PPP6R1: variants seen among roughly 807,000 people sequenced by gnomAD.
PPP6R1 encodes the protein protein phosphatase 6 regulatory subunit 1, also known as serine/threonine-protein phosphatase 6 regulatory subunit 1.
A neutral mutation model predicts 104.6 loss-of-function variants in PPP6R1; 39 were observed. The observed-to-expected ratio is 0.37, with a 90% CI of 0.29 to 0.49. The LOEUF (loss-of-function observed/expected upper bound fraction) is 0.49. Ranked by LOEUF, PPP6R1 falls within the 20% of genes least tolerant of loss-of-function variation. The pLI, the probability that PPP6R1 is intolerant of heterozygous loss-of-function variation, is 0.98. For synonymous variants in PPP6R1, 549 were observed against 479.0 expected (o/e 1.15, Z -1.91); for missense variants, 1,181 against 1,155.8 (o/e 1.02, Z -0.32).
chr19:55,253,060 T>C (rs1384165060), intron 1 of PPP6R1, among the ~76,000 whole-genome samples: 1 of 152,096 alleles, frequency 6.6e-6, no homozygotes, highest in East Asian at 1.9e-4. Context: ...AGGTTACCCC[T>C]TCCCCATCCC....
intron 1 of PPP6R1, among the ~76,000 whole-genome samples, chr19:55,248,817 A>G (rs189728708): frequency 1.8e-4 from 27 of 152,310 alleles, no homozygotes; most frequent in African/African-American, 6.5e-4. Flanking sequence ...AGAGTCCCAC[A>G]CATGGCCTCA....
In PPP6R1 at chr19:55,236,777, C is replaced by T; in HGVS notation, c.1854G>A (p.Gln618=). 6.2e-7 allele frequency: 1 copy of T among 1,613,934 alleles called. No homozygotes were observed. Among genetic ancestry groups the T allele is most frequent in the Non-Finnish European group, 8.5e-7 (1 of 1,179,832 alleles). The change falls in exon 17 of 24, where the codon CAG becomes CAA. Residue 618 remains glutamine, a synonymous_variant. Coordinates refer to ENST00000412770, the MANE Select transcript of PPP6R1 (RefSeq NM_014931.4). Reference sequence around the variant, plus strand: ...CCTCTTCCTCATCATCATCAAACTGCTGGATGCGGTCCTTGTAGCATATCT... The same window carrying T: ...CCTCTTCCTCATCATCATCAAACTGTTGGATGCGGTCCTTGTAGCATATCT... ...LLEICYKDRI[Q]QFDDDEEEED...
chr19:55,256,583 G>A (rs2087595234), intron 1 of PPP6R1, among the ~76,000 whole-genome samples: 1 of 152,226 alleles, frequency 6.6e-6, no homozygotes. Context: ...GGCTAGGTAG[G>A]AGGACTGCTT....
At position 55,245,078 on chromosome 19, in the gene PPP6R1, G is replaced by C; in HGVS notation, c.618+42C>G. The C allele has an allele frequency of 6.2e-7, 1 of 1,605,190 alleles. No individual in the cohort carries two copies. The highest frequency in any genetic ancestry group is 8.5e-7 in the Non-Finnish European group (1 of 1,175,634). On this transcript the variant is annotated intron_variant, in intron 5 of 23. Transcript: ENST00000412770. This position sits in a 1 kb window ranked among gnomAD's most constrained non-coding sequence, Gnocchi z 6.4. Reference sequence around the variant, plus strand: ...AAAGTGGGGAAGTGGGCATGGGGAAGGAACTCTAAGGGGAATCCGCAGGGG... The same window carrying C: ...AAAGTGGGGAAGTGGGCATGGGGAACGAACTCTAAGGGGAATCCGCAGGGG...
At chr19:55,232,441 G>A in intron 17 of PPP6R1, 1 of 562,186 alleles carries the variant, frequency 1.8e-6, no homozygotes, top group South Asian at 3.0e-5. Context: ...GCCGTAAGGA[G>A]ACCGTCCGTC....
chr19:55,244,324 G>A (rs1169260778), intron 5 of PPP6R1, among the ~76,000 whole-genome samples: 1 of 152,254 alleles, frequency 6.6e-6, no homozygotes, highest in East Asian at 1.9e-4. Flanking sequence ...CTCTACACTA[G>A]GCCCTGTGCT....
At chr19:55,232,053 A>G in intron 18 of PPP6R1, 22 bp downstream of exon 18, 1 of 1,612,086 alleles carries the variant, frequency 6.2e-7, no homozygotes. Context: ...TGTACACCTG[A>G]CCACACCGCC....
chr19:55,239,348 C>CG (rs2087428416), intron 15 of PPP6R1, 57 bp downstream of exon 15: 4 of 1,506,052 alleles, frequency 2.7e-6, no homozygotes. Flanking sequence ...TACAAGTAGG[C>CG]GCGCCTGCTG....
chr19:55,231,524 C>T (rs1294155725), intron 20 of PPP6R1, 33 bp from the exon 21 acceptor site: 7 of 1,597,916 alleles, frequency 4.4e-6, no homozygotes, highest in Non-Finnish European at 6.0e-6. Context: ...GCTGCAGCTC[C>T]CAGCAAGCTC....
chr19:55,249,746 CAGG>C (rs2087538566), intron 1 of PPP6R1, among the ~76,000 whole-genome samples: 2 of 152,024 alleles, frequency 1.3e-5, no homozygotes, highest in South Asian at 4.1e-4. Flanking sequence ...GAGGCTGAGG[CAGG>C]AGAACTGCCT....
Position 55,247,029 on chromosome 19 carries a change from G to A in PPP6R1, c.75C>T (p.Pro25=), listed in dbSNP as rs200237875. The A allele has an allele frequency of 7.3e-4, 1,183 of 1,613,868 alleles. 2 individuals carry two copies. The highest frequency in any genetic ancestry group is 8.8e-4 in the Non-Finnish European group (1,035 of 1,179,876). Reference sequence around the variant, plus strand: ...GCACGTCTTCCTCGTCCAGCAGCTCGGGCAGGCTCAGGTCCTCCCGCTCCA... The same window carrying A: ...GCACGTCTTCCTCGTCCAGCAGCTCAGGCAGGCTCAGGTCCTCCCGCTCCA... The part of the protein sequence containing the change: ...TLLEREDLSL[P]ELLDEEDVLQ... The change falls in exon 2 of 24, where the codon CCC becomes CCT. Residue 25 remains proline, a synonymous_variant. Transcript: ENST00000412770.
chr19:55,228,465 G>A (rs199755006), downstream of PPP6R1: 1,452 of 1,606,364 alleles, frequency 9.0e-4, 6 homozygotes, highest in Middle Eastern at 4.2e-3. Context: ...CTACTGAGCC[G>A]AAACCCAGCC....
intron 17 of PPP6R1, chr19:55,233,194 T>C (rs2087365548): frequency 6.6e-6 from 1 of 152,222 alleles, no homozygotes; most frequent in Non-Finnish European, 1.5e-5. Flanking sequence ...TGACCCAATA[T>C]TTTTGTCTTA....
chr19:55,250,267 A>G (rs938983267), intron 1 of PPP6R1, among the ~76,000 whole-genome samples: 2 of 152,214 alleles, frequency 1.3e-5, no homozygotes, highest in African/African-American at 4.8e-5. Context: ...CTTATTTTAC[A>G]GGAGAGGAAA....
rs528216623 is a variant in PPP6R1 at position 55,255,111 on chromosome 19, G to A, written c.-7+3324C>T. On this transcript the variant is annotated intron_variant, in intron 1 of 23. Coordinates refer to ENST00000412770, the MANE Select transcript of PPP6R1 (RefSeq NM_014931.4). ...GCCTTGGGGAGGGTCCCCACTTAAA[G>A]AGAACCCTCAGTGCCTCCCCCTCTG... is the stretch of plus-strand genomic sequence containing the variant. Among the ~76,000 whole-genome samples the A allele has an allele frequency of 1.6e-4, 24 of 152,318 alleles. No individual in the cohort carries two copies. In the East Asian group the frequency reaches 4.6e-3, roughly 29 times the overall value.
At position 55,230,363 on chromosome 19, in the gene PPP6R1, T is replaced by G. The variant is rs1173875453; in HGVS notation, c.*165A>C. 5 of 997,050 alleles carry G rather than the reference T, an allele frequency of 5.0e-6. No homozygotes were observed. Among genetic ancestry groups the G allele is most frequent in the Non-Finnish European group, 7.4e-6 (5 of 675,076 alleles). 61.8% of individuals were successfully genotyped at this position (997,050 alleles called of 1,614,324 possible). On this transcript the variant is annotated 3_prime_UTR_variant, in exon 24 of 24. Transcript: ENST00000412770. ...TCTTCTCAGTGCAAATGGGGGTGGG[T>G]TGGGCCTGTCTCCCTGGCACCAGCC...
chr19:55,256,166 C>T (rs759631234), intron 1 of PPP6R1, among the ~76,000 whole-genome samples: 2 of 152,228 alleles, frequency 1.3e-5, no homozygotes, highest in Non-Finnish European at 2.9e-5. Flanking sequence ...AAGCTAATGG[C>T]CACAAAGATG....
chr19:55,239,112 G>C (rs948058436), intron 15 of PPP6R1: 3 of 409,898 alleles, frequency 7.3e-6, no homozygotes, highest in Non-Finnish European at 4.6e-6. Context: ...GCTAGCTCCA[G>C]GAGTGGGAGG....
chr19:55,231,875 G>A lies in PPP6R1; in HGVS notation c.2233C>T (p.Pro745Ser). ...LHTGPPAPQG[P>S]LSVPQGLPTQ... ...GGGAGGCCCTGGGGCACACTGAGGG[G>A]CCCCTGTGGGGCTGGAGGCCCAGTG... The change falls in exon 19 of 24, where the codon CCC becomes TCC. Residue 745 changes from proline (P) to serine (S), a missense_variant. Around this residue, in one of 2 missense-constraint regions of PPP6R1, gnomAD observed 1,042 missense variants for 955.6 expected, o/e 1.09. Transcript: ENST00000412770. The A allele has an allele frequency of 6.6e-7, 1 of 1,506,332 alleles. No homozygotes were observed. The allele number at this position is 1,506,332 out of a possible 1,614,324, so 93.3% of individuals were successfully genotyped here.
Sources: allele counts gnomAD v4.1 joint callset (sites outside exome capture counted in the v4.1 genomes callset), GRCh38; gene constraint gnomAD v4.1.1; regional missense constraint gnomAD v4.1.1; non-coding constraint Gnocchi (gnomAD v3.1); transcripts MANE v1.5; gene names NCBI Gene and HGNC (gene_info 2026-07-23, HGNC 2026-07-21).